Variants in HYAL1 observed in about 807,000 individuals in gnomAD.
HYAL1 encodes the protein hyaluronidase 1, also known as hyaluronidase-1.
A neutral mutation model predicts 28.8 loss-of-function variants in HYAL1; 21 were observed. The ratio of observed to expected loss-of-function variants is 0.73; its 90% CI spans 0.52 to 1.05. The LOEUF is 1.05. Among genes scored for constraint, HYAL1 ranks in the 50% least tolerant of loss-of-function variants. The probability of loss-of-function intolerance (pLI) is 0.00; values close to 1 mark genes in which losing one functional copy is unlikely to be tolerated. For synonymous variants in HYAL1, 200 were observed against 230.1 expected (o/e 0.87, Z 1.18); for missense variants, 491 against 579.2 (o/e 0.85, Z 1.56).
At chr3:50,308,480 C>T (rs1553714313), upstream of HYAL1, among the ~76,000 whole-genome samples, 1 of 150,688 alleles carries the variant, frequency 6.6e-6, no homozygotes, top group Non-Finnish European at 1.5e-5. Flanking sequence ...TGGATTCTCG[C>T]TCTGTCACCC....
upstream of HYAL1, among the ~76,000 whole-genome samples, chr3:50,306,643 T>C (rs1440483181): frequency 6.6e-6 from 1 of 151,114 alleles, no homozygotes; most frequent in Admixed American, 6.6e-5. Flanking sequence ...TCCCAACACT[T>C]TGGGAGGCCG....
Position 50,302,304 on chromosome 3 carries a change from G to C in HYAL1, c.653C>G (p.Thr218Ser). 22 of 1,613,636 alleles carry C rather than the reference G, an allele frequency of 1.4e-5. No individual in the cohort carries two copies. Among genetic ancestry groups the C allele is most frequent in the Non-Finnish European group, 1.9e-5 (22 of 1,180,004 alleles). ...YNYDFLSPNYTGQCPSGIRAQ... is the reference protein window; with the variant it reads ...YNYDFLSPNYSGQCPSGIRAQ... The stretch of plus-strand genomic sequence containing the variant: ...ACGGATGCCTGATGGGCACTGGCCG[G>C]TGTAGTTGGGGCTTAGAAAGTCATA... The change falls in exon 2 of 4, where the codon ACC (threonine) becomes AGC (serine). Residue 218 changes from threonine (T) to serine (S), a missense_variant. By Grantham distance (58) the Thr-to-Ser change is moderately conservative. Transcript: ENST00000395144. This position sits in a 1 kb window ranked among gnomAD's most constrained non-coding sequence, Gnocchi z 5.0.
chr3:50,302,350 C>T lies in HYAL1; in HGVS notation c.607G>A (p.Gly203Ser). 1 of 1,613,730 alleles carries T rather than the reference C, an allele frequency of 6.2e-7. No individual in the cohort carries two copies. The change falls in exon 2 of 4, where the codon GGC becomes AGC. Residue 203 changes from glycine (G) to serine (S), a missense_variant. Coordinates refer to ENST00000395144, the MANE Select transcript of HYAL1 (RefSeq NM_033159.4). This position sits in a 1 kb window ranked among gnomAD's most constrained non-coding sequence, Gnocchi z 5.0. ...LRPRGLWGFY[G>S]FPDCYNYDFL... The stretch of plus-strand genomic sequence containing the variant: ...TCATAGTTGTAGCAGTCAGGGAAGC[C>T]ATAGAAGCCCCAGAGGCCGCGAGGA...
upstream of HYAL1, among the ~76,000 whole-genome samples, chr3:50,306,351 G>GT (rs587770082): frequency 1.4e-4 from 20 of 146,880 alleles, no homozygotes; most frequent in Admixed American, 2.8e-4. Flanking sequence ...GGGAAAATTA[G>GT]TTTTTTTTTC....
At chr3:50,312,014 G>A (rs1553714958) in intron 1 of HYAL1, among the ~76,000 whole-genome samples, 1 of 143,984 alleles carries the variant, frequency 6.9e-6, no homozygotes, top group Non-Finnish European at 1.6e-5. Context: ...CTGGCCGGGT[G>A]GGAGGCTGTC....
upstream of HYAL1, among the ~76,000 whole-genome samples, chr3:50,304,744 T>C (rs1702302569): frequency 6.6e-6 from 1 of 152,042 alleles, no homozygotes; most frequent in African/African-American, 2.4e-5. Context: ...TCACCCTTTG[T>C]ATATGTGCTG....
upstream of HYAL1, among the ~76,000 whole-genome samples, chr3:50,307,053 G>C (rs1290365427): frequency 6.7e-6 from 1 of 149,098 alleles, no homozygotes; most frequent in Non-Finnish European, 1.5e-5. Context: ...CTGGGTGACA[G>C]AGCAAGACTC....
At chr3:50,306,757 G>C (rs1452332411), upstream of HYAL1, among the ~76,000 whole-genome samples, 6 of 150,730 alleles carry the variant, frequency 4.0e-5, 1 homozygote, top group Non-Finnish European at 5.9e-5. Context: ...ATGGTGGTGG[G>C]TGCCTGTAAT....
In HYAL1 at chr3:50,300,615, C is replaced by A; in HGVS notation, c.1176G>T (p.Thr392=). ...LNPASFSIQL[T]PGGGPLSLRG... ...GCAGGCTCAGGGGCCCACCACCAGG[C>A]GTGAGCTGGATGGAGAAACTGGCAG... is the stretch of plus-strand genomic sequence containing the variant. Residue 392 remains threonine (T), a synonymous_variant, in exon 4 of 4, where the codon ACG becomes ACT. Coordinates refer to ENST00000395144, the MANE Select transcript of HYAL1 (RefSeq NM_033159.4). The A allele has an allele frequency of 6.2e-7, 1 of 1,614,182 alleles. No individual in the cohort carries two copies.
intron 1 of HYAL1, among the ~76,000 whole-genome samples, chr3:50,311,864 T>C (rs1177507091): frequency 7.8e-6 from 1 of 128,490 alleles, no homozygotes; most frequent in Admixed American, 8.1e-5. Flanking sequence ...CCCACCTCCC[T>C]CCCGGACGGG....
At chr3:50,307,856 C>T (rs1482791934), upstream of HYAL1, among the ~76,000 whole-genome samples, 15 of 143,324 alleles carry the variant, frequency 1.0e-4, no homozygotes, top group Middle Eastern at 4.3e-3. Context: ...AGTGCAGTGG[C>T]GCAATCTCGG....
upstream of HYAL1, among the ~76,000 whole-genome samples, chr3:50,304,293 AAAAATATATATATATATATATATATATAT>A (rs61204517): frequency 0.024 from 1,370 of 57,040 alleles, 241 homozygotes; most frequent in East Asian, 0.52. Flanking sequence ...AAAAAAAAAA[AAAAATATATATATATATATATATATATAT>A]ATATATATAT....
At chr3:50,309,728 T>G (rs1024322996) in exon 2 of HYAL1, 2 of 151,110 alleles carry the variant, frequency 1.3e-5, no homozygotes, top group Admixed American at 1.3e-4. Context: ...CCCAGCACTT[T>G]GGGAGGCCAA....
At chr3:50,311,759 G>A (rs1187587553) in intron 1 of HYAL1, among the ~76,000 whole-genome samples, 1 of 143,588 alleles carries the variant, frequency 7.0e-6, no homozygotes, top group South Asian at 2.1e-4. Context: ...CGGCTGGCTG[G>A]GCAGAGGGGC....
rs1387849481 is a variant in HYAL1, at chr3:50,301,634, AGGATG to A, written c.900+418_900+422del. On this transcript the variant is annotated intron_variant, in intron 2 of 3. Transcript: ENST00000395144. ...CCGTCTCAAAAAAAAAAAAAAAAAA[AGGATG>A]AATGAATGGATGAAAATGTCCCAAG... 3.3e-3 allele frequency among the ~76,000 whole-genome samples: 476 copies of A among 145,600 alleles called. 4 individuals carry two copies. The highest frequency in any genetic ancestry group is 0.011 in the African/African-American group (449 of 39,120).
chr3:50,309,833 T>A (rs1553714522), intron 1 of HYAL1: 1 of 151,426 alleles, frequency 6.6e-6, no homozygotes, highest in Non-Finnish European at 1.5e-5. Flanking sequence ...CCCAGGTTTA[T>A]GTTTATCTTG....
upstream of HYAL1, among the ~76,000 whole-genome samples, chr3:50,304,545 A>T (rs1702298139): frequency 6.6e-6 from 1 of 150,704 alleles, no homozygotes; most frequent in Non-Finnish European, 1.5e-5. Context: ...TGTCTGGGTT[A>T]CACTATTATA....
At chr3:50,310,744 A>G (rs1300392564) in intron 1 of HYAL1, among the ~76,000 whole-genome samples, 16 of 150,668 alleles carry the variant, frequency 1.1e-4, no homozygotes, top group Admixed American at 6.6e-4. Context: ...AGAGGACCCC[A>G]CGGCCTTCCG....
chr3:50,310,082 A>AT (rs1365338640), intron 1 of HYAL1, among the ~76,000 whole-genome samples: 1 of 151,334 alleles, frequency 6.6e-6, no homozygotes, highest in Non-Finnish European at 1.5e-5. Flanking sequence ...TTCAAAACGA[A>AT]TGTTCACCTG....
Sources: allele counts gnomAD v4.1 joint callset (sites outside exome capture counted in the v4.1 genomes callset), GRCh38; gene constraint gnomAD v4.1.1; non-coding constraint Gnocchi (gnomAD v3.1); transcripts MANE v1.5; gene names NCBI Gene and HGNC (gene_info 2026-07-23, HGNC 2026-07-21).